GRM7: variants seen among roughly 807,000 people sequenced by gnomAD.
The protein encoded by GRM7 is glutamate metabotropic receptor 7.
In GRM7, 35 loss-of-function variants were observed where a neutral mutation model predicts 84.5. The ratio of observed to expected loss-of-function variants is 0.41; its 90% CI spans 0.32 to 0.55. The LOEUF (loss-of-function observed/expected upper bound fraction) is 0.55. Ranked by LOEUF, GRM7 falls within the 20% of genes least tolerant of loss-of-function variation. The pLI is 0.19. For missense variants in GRM7, 1,003 were observed against 1,194.6 expected (o/e 0.84, Z 2.36); for synonymous variants, 487 against 455.1 (o/e 1.07, Z -0.89).
chr3:7,296,101 G>T (rs9850091), intron 2 of GRM7, among the ~76,000 whole-genome samples: 73,725 of 151,168 alleles, frequency 0.49, 18,619 homozygotes, highest in African/African-American at 0.63. Flanking sequence ...TATATATATA[G>T]AGAGAGAGAA....
chr3:7,504,741 A>T (rs1699989376), intron 7 of GRM7, among the ~76,000 whole-genome samples: 1 of 152,240 alleles, frequency 6.6e-6, no homozygotes, highest in Non-Finnish European at 1.5e-5. Flanking sequence ...TAATTTATTC[A>T]TTCATGGGAA....
chr3:7,697,284 T>C (rs1370840155), intron 9 of GRM7, among the ~76,000 whole-genome samples: 1 of 152,164 alleles, frequency 6.6e-6, no homozygotes, highest in Non-Finnish European at 1.5e-5. Context: ...TAACATTTTA[T>C]AGTTTTGTTT....
intron 1 of GRM7, among the ~76,000 whole-genome samples, chr3:7,055,521 A>G (rs1393265736): frequency 6.7e-6 from 1 of 149,242 alleles, no homozygotes; most frequent in East Asian, 2.0e-4. Flanking sequence ...ATATATATAT[A>G]TACATACACA....
intron 4 of GRM7, among the ~76,000 whole-genome samples, chr3:7,388,029 G>A (rs548880660): frequency 3.9e-5 from 6 of 151,984 alleles, no homozygotes; most frequent in African/African-American, 1.2e-4. Flanking sequence ...ATATTCCTAG[G>A]TATCTTATTG....
At chr3:7,053,596 A>G (rs923035965) in intron 1 of GRM7, among the ~76,000 whole-genome samples, 1 of 151,560 alleles carries the variant, frequency 6.6e-6, no homozygotes, top group Non-Finnish European at 1.5e-5. Flanking sequence ...CTATATTGAT[A>G]TTAAGTTGTT....
intron 1 of GRM7, among the ~76,000 whole-genome samples, chr3:6,951,545 A>G (rs897346264): frequency 3.3e-5 from 5 of 152,108 alleles, no homozygotes; most frequent in Non-Finnish European, 5.9e-5. Flanking sequence ...TTTGATTCCT[A>G]GGTTATTTTG....
intron 8 of GRM7, among the ~76,000 whole-genome samples, chr3:7,593,873 T>C (rs569915254): frequency 3.7e-4 from 56 of 151,836 alleles, no homozygotes; most frequent in Non-Finnish European, 5.7e-4. Context: ...GGAGGCCAGA[T>C]AGAAGTTTCC....
Position 7,045,246 on chromosome 3 carries a change from C to G in GRM7, c.520-101206C>G, listed in dbSNP as rs1328371300. On this transcript the variant is annotated intron_variant, in intron 1 of 9. Coordinates refer to ENST00000357716, the MANE Select transcript of GRM7 (RefSeq NM_000844.4). ...GTAGTCTAGTCAGATGTTTGGCAGACAGCCTTCCATTTGAAGTTCCCTTTA... is the reference window on the plus strand; with the variant it reads ...GTAGTCTAGTCAGATGTTTGGCAGAGAGCCTTCCATTTGAAGTTCCCTTTA... 2.0e-5 allele frequency among the ~76,000 whole-genome samples: 3 copies of G among 152,166 alleles called. No individual in the cohort carries two copies. The East Asian group carries it at 5.8e-4, about 29-fold the overall frequency.
chr3:7,654,320 T>G (rs1699085017), intron 8 of GRM7, among the ~76,000 whole-genome samples: 1 of 152,184 alleles, frequency 6.6e-6, no homozygotes, highest in Non-Finnish European at 1.5e-5. Flanking sequence ...CAAAGCACAG[T>G]GTAACTAGCC....
chr3:6,954,373 A>G (rs1223920996), intron 1 of GRM7, among the ~76,000 whole-genome samples: 1 of 151,942 alleles, frequency 6.6e-6, no homozygotes, highest in Non-Finnish European at 1.5e-5. Context: ...CTCTTCTATT[A>G]ACCAGTAGAA....
intron 2 of GRM7, among the ~76,000 whole-genome samples, chr3:7,179,511 T>C (rs1229708692): frequency 6.6e-6 from 1 of 152,244 alleles, no homozygotes; most frequent in Admixed American, 6.5e-5. Context: ...ACTCTATATT[T>C]TAGATTCAAA....
In GRM7 at chr3:6,997,392, G is replaced by T. The variant is rs538534205; in HGVS notation, c.519+135485G>T. On this transcript the variant is annotated intron_variant, in intron 1 of 9. Transcript: ENST00000357716. ...TGACTCACAGTTCTGCAGGGCTGGG[G>T]ACACCTCAGGAAGCTTACACTCACA... is the stretch of plus-strand genomic sequence containing the variant. Among the ~76,000 whole-genome samples, 13 of 152,264 alleles carry T rather than the reference G, an allele frequency of 8.5e-5. No individual in the cohort carries two copies. In the South Asian group the frequency reaches 2.7e-3, roughly 32 times the overall value.
At chr3:6,896,298 C>T (rs545466572) in intron 1 of GRM7, among the ~76,000 whole-genome samples, 7 of 152,158 alleles carry the variant, frequency 4.6e-5, no homozygotes, top group Middle Eastern at 3.4e-3. Context: ...TGGGCTGGCT[C>T]ATATAGTATG....
chr3:7,518,372 G>C (rs1144011), intron 7 of GRM7, among the ~76,000 whole-genome samples: 60,724 of 151,988 alleles, frequency 0.4, 12,333 homozygotes, highest in African/African-American at 0.46. Flanking sequence ...AAGCATCACA[G>C]AATAAGCTTT....
chr3:7,629,023 C>G (rs1291937719), intron 8 of GRM7, among the ~76,000 whole-genome samples: 2 of 152,082 alleles, frequency 1.3e-5, no homozygotes, highest in Non-Finnish European at 2.9e-5. Flanking sequence ...TTGCAATAAT[C>G]TAGAAAAGGC....
chr3:7,132,799 G>A lies in GRM7; in HGVS notation c.520-13653G>A, dbSNP rs573811259. ...GAAAGTGGCTTCGGAATCATTAAGT[G>A]AAGATTTCACCATGTTCCATAGCAT... On this transcript the variant is annotated intron_variant, in intron 1 of 9. Transcript: ENST00000357716. Among the ~76,000 whole-genome samples the A allele has an allele frequency of 3.3e-5, 5 of 152,288 alleles. No homozygotes were observed. In the South Asian group the frequency reaches 1.0e-3, roughly 32 times the overall value.
intron 1 of GRM7, among the ~76,000 whole-genome samples, chr3:6,946,927 G>A (rs1292325467): frequency 6.6e-6 from 1 of 152,156 alleles, no homozygotes; most frequent in Non-Finnish European, 1.5e-5. Context: ...TGCTGAAGTT[G>A]CTTATCAGCT....
chr3:7,320,681 A>AGTGTGTGTGTGT (rs56313913), intron 4 of GRM7, among the ~76,000 whole-genome samples: 2,335 of 141,190 alleles, frequency 0.017, 52 homozygotes, highest in East Asian at 0.076. Context: ...GTGGGTGATC[A>AGTGTGTGTGTGT]GTGTGTGTGT....
Position 7,578,432 on chromosome 3 carries a change from T to G in GRM7, c.1526T>G (p.Met509Arg). ...TTTCTTATGTTACAGATAGAAGACATGCAGTGGGGTAAAGGAGTCCGAGAG... is the reference window on the plus strand; with the variant it reads ...TTTCTTATGTTACAGATAGAAGACAGGCAGTGGGGTAAAGGAGTCCGAGAG... ...TDELQLNIEDMQWGKGVREIP... is the reference protein window; with the variant it reads ...TDELQLNIEDRQWGKGVREIP... The change falls in exon 8 of 10, where the codon ATG becomes AGG. Residue 509 changes from methionine to arginine, a missense_variant. Met to Arg is a moderately conservative substitution (Grantham distance 91). Coordinates refer to ENST00000357716, the MANE Select transcript of GRM7 (RefSeq NM_000844.4). 1 of 1,602,420 alleles carries G rather than the reference T, an allele frequency of 6.2e-7. No individual in the cohort carries two copies. The highest frequency in any genetic ancestry group is 8.5e-7 in the Non-Finnish European group (1 of 1,171,386).
Sources: gnomAD v4.1 joint callset for allele counts (sites outside exome capture counted in the v4.1 genomes callset) on GRCh38, gnomAD v4.1.1 for gene constraint, MANE v1.5 for transcripts, NCBI Gene and HGNC (gene_info 2026-07-23, HGNC 2026-07-21) for gene names.